HERC2: variants seen among roughly 807,000 people sequenced by gnomAD.
The protein encoded by HERC2 is E3 ubiquitin-protein ligase HERC2.
HERC2 carries 102 observed loss-of-function variants against 537.7 expected under a neutral mutation model. The observed-to-expected ratio is 0.19, with a 90% CI of 0.16 to 0.22. The LOEUF (loss-of-function observed/expected upper bound fraction) is 0.22. Ranked by LOEUF, HERC2 falls within the 10% of genes least tolerant of loss-of-function variation. The pLI, the probability that HERC2 is intolerant of heterozygous loss-of-function variation, is 1.00. For missense variants in HERC2, 4,236 were observed against 6,198.2 expected (o/e 0.68, Z 10.63); for synonymous variants, 2,224 against 2,466.2 (o/e 0.90, Z 2.91).
chr15:28,181,384 T>C (rs998127116), intron 57 of HERC2, among the ~76,000 whole-genome samples: 3 of 152,200 alleles, frequency 2.0e-5, no homozygotes, highest in Non-Finnish European at 4.4e-5. Context: ...CACTGTCCAC[T>C]TCCCAAACCA....
rs769824672 is a variant in HERC2 at position 28,192,150 on chromosome 15, A to T, written c.8262T>A (p.Gly2754=). The T allele has an allele frequency of 6.2e-7, 1 of 1,609,622 alleles. No individual in the cohort carries two copies. Among genetic ancestry groups the T allele is most frequent in the Non-Finnish European group, 8.5e-7 (1 of 1,176,694 alleles). The change falls in exon 53 of 93, where the codon GGT becomes GGA. Residue 2754 remains glycine, a splice_region_variant and synonymous_variant. Transcript: ENST00000261609. ...AACGGCCACAAAATACCGCAGACTG[A>T]CCTATTTCGTGATAGTCAAAAAGAG... is the stretch of plus-strand genomic sequence containing the variant. ...RHTFGRINEP[G]QSAVFCGRSG...
At chr15:28,219,832 A>G (rs959199382) in intron 37 of HERC2, among the ~76,000 whole-genome samples, 4 of 150,990 alleles carry the variant, frequency 2.6e-5, no homozygotes, top group African/African-American at 7.4e-5. Context: ...GAAGCTTCAC[A>G]TGTCTTTTAG....
In HERC2 at chr15:28,263,002, A is replaced by C. The variant is rs751962691; in HGVS notation, c.2038T>G (p.Ser680Ala). 18 of 1,614,192 alleles carry C rather than the reference A, an allele frequency of 1.1e-5. No individual in the cohort carries two copies. The East Asian group carries it at 2.0e-4, about 18-fold the overall frequency. ...IALTKDGQVYSWGKGDNQRLG... is the reference protein window; with the variant it reads ...IALTKDGQVYAWGKGDNQRLG... ...CTCTGGTTGTCACCTTTTCCCCATG[A>C]ATAAACTTGGCCATCTTTCGTCAAA... Residue 680 changes from serine to alanine, a missense_variant, in exon 15 of 93, where the codon TCA becomes GCA. Ser to Ala is a moderately conservative substitution (Grantham distance 99, BLOSUM62 1). Transcript: ENST00000261609.
chr15:28,239,921 A>G (rs1902878421), intron 23 of HERC2, among the ~76,000 whole-genome samples: 1 of 152,228 alleles, frequency 6.6e-6, no homozygotes, highest in African/African-American at 2.4e-5. Context: ...CACAGAGAAC[A>G]TGCTCAGGTC....
chr15:28,124,019 A>C lies in HERC2; in HGVS notation c.13188+18T>G, dbSNP rs368191569. On this transcript the variant is annotated intron_variant, in intron 85 of 92. Coordinates refer to ENST00000261609, the MANE Select transcript of HERC2 (RefSeq NM_004667.6). The stretch of plus-strand genomic sequence containing the variant: ...AAGACACCAGTTTCCCCTAGAGCAA[A>C]GATTGCCACTTGAATACCTTTCCCT... 1 of 1,557,318 alleles carries C rather than the reference A, an allele frequency of 6.4e-7. No individual in the cohort carries two copies. The highest frequency in any genetic ancestry group is 8.7e-7 in the Non-Finnish European group (1 of 1,148,508).
chr15:28,165,300 G>T (rs1345141113), intron 68 of HERC2, among the ~76,000 whole-genome samples: 6 of 152,240 alleles, frequency 3.9e-5, no homozygotes, highest in Non-Finnish European at 7.3e-5. Context: ...GGACAGCCAA[G>T]ATCGGAGGTT....
At chr15:28,298,828 T>C (rs1417830308) in intron 3 of HERC2, among the ~76,000 whole-genome samples, 3 of 151,964 alleles carry the variant, frequency 2.0e-5, no homozygotes, top group African/African-American at 7.2e-5. Context: ...AAATACTTTC[T>C]TCAGACTAAT....
rs149701493 is a variant in HERC2 at position 28,210,560 on chromosome 15, C to T, written c.7069+442G>A. Among the ~76,000 whole-genome samples, 382 of 152,230 alleles carry T rather than the reference C, an allele frequency of 2.5e-3. 2 individuals carry two copies. The highest frequency in any genetic ancestry group is 6.4e-3 in the African/African-American group (267 of 41,524). Reference sequence around the variant, plus strand: ...TCAAAGACCAACTCATTTCCTCAGACGCCCATTAGATGGCTACACCAACTG... The same window carrying T: ...TCAAAGACCAACTCATTTCCTCAGATGCCCATTAGATGGCTACACCAACTG... On this transcript the variant is annotated intron_variant, in intron 44 of 92. Coordinates refer to ENST00000261609, the MANE Select transcript of HERC2 (RefSeq NM_004667.6).
At chr15:28,309,110 T>C (rs550203080) in intron 2 of HERC2, among the ~76,000 whole-genome samples, 120 of 152,338 alleles carry the variant, frequency 7.9e-4, no homozygotes, top group African/African-American at 2.8e-3. Flanking sequence ...ATCCATGTGC[T>C]AAAGAGAACA....
At chr15:28,248,826 CACAA>C (rs1903976647) in intron 20 of HERC2, 90 bp from the exon 21 acceptor site, 8 of 1,008,064 alleles carry the variant, frequency 7.9e-6, no homozygotes, top group Non-Finnish European at 1.2e-5. Context: ...AAATTAATAT[CACAA>C]ACACAGATCA....
At chr15:28,279,721 G>A (rs1368770739) in intron 5 of HERC2, among the ~76,000 whole-genome samples, 1 of 152,076 alleles carries the variant, frequency 6.6e-6, no homozygotes, top group Non-Finnish European at 1.5e-5. Flanking sequence ...GCTGAGGCGG[G>A]AGGATCACTA....
At chr15:28,276,077 C>T (rs2075863654) in intron 5 of HERC2, among the ~76,000 whole-genome samples, 2 of 146,872 alleles carry the variant, frequency 1.4e-5, no homozygotes, top group Admixed American at 1.4e-4. Context: ...GTCCCAGCTA[C>T]TCGGAGGCTG....
intron 47 of HERC2, 43 bp from the exon 48 acceptor site, chr15:28,201,597 T>C (rs1487391156): frequency 8.4e-7 from 1 of 1,185,866 alleles, no homozygotes; most frequent in Non-Finnish European, 1.3e-6. Flanking sequence ...CAGGAGAACA[T>C]GATAAACCTA....
intron 2 of HERC2, among the ~76,000 whole-genome samples, chr15:28,313,233 G>A (rs1159487670): frequency 1.1e-4 from 16 of 144,458 alleles, no homozygotes; most frequent in African/African-American, 1.8e-4. Context: ...TTGCTCTGTC[G>A]CCCAGGCTGG....
chr15:28,113,750 G>C lies in HERC2; in HGVS notation c.13914-72C>G. On this transcript the variant is annotated intron_variant, in intron 90 of 92. Transcript: ENST00000261609. The surrounding 1 kb of genome is among the most constrained non-coding windows in gnomAD (Gnocchi z 7.0). ...CTTTATGCTGCTCACACCAAGCCTTGGCATGCAGCACTGTGGCCGCACACG... is the reference window on the plus strand; with the variant it reads ...CTTTATGCTGCTCACACCAAGCCTTCGCATGCAGCACTGTGGCCGCACACG... 7.9e-7 allele frequency: 1 copy of C among 1,272,320 alleles called. No homozygotes were observed. Among genetic ancestry groups the C allele is most frequent in the Non-Finnish European group, 1.1e-6 (1 of 882,926 alleles). 78.8% of individuals were successfully genotyped at this position (1,272,320 alleles called of 1,614,324 possible). A position where few individuals can be genotyped will look rare whatever the true frequency, so the allele number is the denominator to read the frequency against.
chr15:28,303,197 C>A (rs2525948), intron 2 of HERC2, among the ~76,000 whole-genome samples: 1 of 152,208 alleles, frequency 6.6e-6, no homozygotes, highest in Non-Finnish European at 1.5e-5. Flanking sequence ...TGAGAGATAG[C>A]GGTCTAGTTT....
In HERC2 at chr15:28,141,428, T is replaced by C. The variant is rs1206191846; in HGVS notation, c.12015+4A>G. On this transcript the variant is annotated splice_donor_region_variant and intron_variant, in intron 78 of 92. Transcript: ENST00000261609. ...ACCTTGTGACATAGAAAAAGAGCTC[T>C]TACCTTCCCATCAGCCGTCACAGCA... 1 of 1,613,904 alleles carries C rather than the reference T, an allele frequency of 6.2e-7. No individual in the cohort carries two copies. Among genetic ancestry groups the C allele is most frequent in the Admixed American group, 1.7e-5 (1 of 60,008 alleles).
intron 56 of HERC2, among the ~76,000 whole-genome samples, chr15:28,183,133 T>A (rs1012455276): frequency 6.6e-6 from 1 of 152,198 alleles, no homozygotes; most frequent in Non-Finnish European, 1.5e-5. Context: ...CCTCGTCTCC[T>A]GTCCTTCCCA....
intron 23 of HERC2, among the ~76,000 whole-genome samples, chr15:28,243,544 C>A (rs188392023): frequency 9.9e-5 from 15 of 152,242 alleles, no homozygotes; most frequent in African/African-American, 3.6e-4. Flanking sequence ...GAAAAAAAGA[C>A]AACCAGATAG....
Sources: gnomAD v4.1 joint callset for allele counts (sites outside exome capture counted in the v4.1 genomes callset) on GRCh38, gnomAD v4.1.1 for gene constraint, Gnocchi (gnomAD v3.1) non-coding constraint, MANE v1.5 for transcripts, NCBI Gene and HGNC (gene_info 2026-07-23, HGNC 2026-07-21) for gene names.